ZNF283: variants seen among roughly 807,000 people sequenced by gnomAD.
The protein encoded by ZNF283 is zinc finger protein 41.
ZNF283 carries 10 observed loss-of-function variants against 9.2 expected under a neutral mutation model. The observed-to-expected ratio is 1.09, with a 90% confidence interval of 0.67 to 1.85. The LOEUF is 1.85. Among genes scored for constraint, ZNF283 ranks in the 40% most tolerant of loss-of-function variants. The pLI is 0.00. For synonymous variants in ZNF283, 234 were observed against 244.1 expected, an observed-to-expected ratio of 0.96 and a Z score of 0.38; for missense variants, 631 against 760.1, an observed-to-expected ratio of 0.83 and a Z score of 2.00.
At chr19:43,832,603 A>G (rs1970759468) in intron 3 of ZNF283, among the ~76,000 whole-genome samples, 1 of 152,228 alleles carries the variant, frequency 6.6e-6, no homozygotes, top group African/African-American at 2.4e-5. Context: ...ATTTGAGTTC[A>G]CGTTATAAGA....
intron 2 of ZNF283, among the ~76,000 whole-genome samples, chr19:43,829,759 C>T (rs941556300): frequency 3.3e-5 from 5 of 152,098 alleles, no homozygotes; most frequent in Non-Finnish European, 7.4e-5. Flanking sequence ...CACGGTGGCT[C>T]ACACCTGTAA....
chr19:43,843,334 C>T (rs957014679), intron 6 of ZNF283, among the ~76,000 whole-genome samples: 2 of 152,098 alleles, frequency 1.3e-5, no homozygotes, highest in African/African-American at 2.4e-5. Context: ...AGTGAGACTA[C>T]GTCCCCACCC....
At chr19:43,843,922 C>G (rs992447647) in intron 6 of ZNF283, among the ~76,000 whole-genome samples, 2 of 152,226 alleles carry the variant, frequency 1.3e-5, no homozygotes, top group Admixed American at 1.3e-4. Flanking sequence ...AACTATGTAC[C>G]ATGAGAGGCT....
chr19:43,848,413 T>G lies in ZNF283; in HGVS notation c.1812T>G (p.Cys604Trp). The part of the protein sequence containing the change: ...TNEKSYECKD[C>W]GKAFGSGYQL... ...AGAAGTCTTATGAATGTAAAGACTGTGGGAAGGCCTTTGGTAGTGGCTATC... is the reference window on the plus strand; with the variant it reads ...AGAAGTCTTATGAATGTAAAGACTGGGGGAAGGCCTTTGGTAGTGGCTATC... The change falls in exon 7 of 7, where the codon TGT (cysteine) becomes TGG (tryptophan). Residue 604 changes from cysteine (C) to tryptophan (W), a missense_variant. By Grantham distance (215) the Cys-to-Trp change is radical. Around this residue, in one of 3 missense-constraint regions of ZNF283, gnomAD observed 444 missense variants for 522.5 expected, o/e 0.85. Coordinates refer to ENST00000618787, the MANE Select transcript of ZNF283 (RefSeq NM_181845.2). 1 of 1,613,968 alleles carries G rather than the reference T, an allele frequency of 6.2e-7. No homozygotes were observed.
chr19:43,851,042 TCAC>T lies in ZNF283; in HGVS notation c.*2404_*2406del, dbSNP rs1971594388. On this transcript the variant is annotated 3_prime_UTR_variant, in exon 7 of 7. Coordinates refer to ENST00000618787, the MANE Select transcript of ZNF283 (RefSeq NM_181845.2). ...GTAATATCACTGTTCAGTCAGTCATTCACCATCTAGTGATCATCATTCTACATG... is the reference window on the plus strand; with the variant it reads ...GTAATATCACTGTTCAGTCAGTCATTCATCTAGTGATCATCATTCTACATG... 2 of 152,190 alleles carry T rather than the reference TCAC, an allele frequency of 1.3e-5. No individual in the cohort carries two copies. The highest frequency in any genetic ancestry group is 6.5e-5 in the Admixed American group (1 of 15,270). The allele number at this position is 152,190 out of a possible 1,614,324, so 9.4% of individuals were successfully genotyped here. A position where few individuals can be genotyped will look rare whatever the true frequency, so the allele number is the denominator to read the frequency against.
At chr19:43,839,822 T>C (rs931213845) in intron 6 of ZNF283, among the ~76,000 whole-genome samples, 4 of 152,212 alleles carry the variant, frequency 2.6e-5, no homozygotes, top group African/African-American at 9.6e-5. Context: ...TACATTCTTT[T>C]CCTGATTTCC....
intron 6 of ZNF283, among the ~76,000 whole-genome samples, chr19:43,842,743 G>C (rs897095806): frequency 1.3e-5 from 2 of 152,190 alleles, no homozygotes; most frequent in African/African-American, 4.8e-5. Context: ...ACTTCCACTG[G>C]TGGTGTAGAA....
Position 43,847,435 on chromosome 19 carries a change from T to C in ZNF283, c.834T>C (p.Leu278=). 6.2e-7 allele frequency: 1 copy of C among 1,614,020 alleles called. No individual in the cohort carries two copies. Among genetic ancestry groups the C allele is most frequent in the Non-Finnish European group, 8.5e-7 (1 of 1,179,948 alleles). The change falls in exon 7 of 7, where the codon CTT becomes CTC. Residue 278 remains leucine, a synonymous_variant. Coordinates refer to ENST00000618787, the MANE Select transcript of ZNF283 (RefSeq NM_181845.2). The stretch of plus-strand genomic sequence containing the variant: ...AGACCTTTAGCTGGGGATCAAGCCT[T>C]GTTAAACATGAGAGAATTCACACTG... The part of the protein sequence containing the change: ...CGKTFSWGSS[L]VKHERIHTGE...
In ZNF283 at chr19:43,850,664, T is replaced by C. The variant is rs1426737223; in HGVS notation, c.*2023T>C. 6.6e-6 allele frequency: 1 copy of C among 152,224 alleles called. No individual in the cohort carries two copies. The highest frequency in any genetic ancestry group is 1.5e-5 in the Non-Finnish European group (1 of 68,090). The allele number at this position is 152,224 out of a possible 1,614,324, so 9.4% of individuals were successfully genotyped here. A position where few individuals can be genotyped will look rare whatever the true frequency, so the allele number is the denominator to read the frequency against. ...ATGTTGGTCCAGGCTGATCTTGAAC[T>C]CCTGCACCTGCCTCAGCCTCCCAAA... On this transcript the variant is annotated 3_prime_UTR_variant, in exon 7 of 7. Transcript: ENST00000618787.
At chr19:43,837,289 C>T (rs1251049592) in intron 6 of ZNF283, 110 bp downstream of exon 6, 6 of 1,178,942 alleles carry the variant, frequency 5.1e-6, no homozygotes, top group Admixed American at 2.9e-5. Context: ...TTCTTCTCCC[C>T]CTTCCCAAGG....
intron 6 of ZNF283, 66 bp from the exon 7 acceptor site, chr19:43,846,873 T>C (rs1971416907): frequency 9.2e-7 from 1 of 1,085,450 alleles, no homozygotes; most frequent in East Asian, 3.0e-5. Flanking sequence ...TTATTTCTAC[T>C]GTAGTTTTTT....
At position 43,851,337 on chromosome 19, in the gene ZNF283, T is replaced by TA. The variant is rs1405989251; in HGVS notation, c.*2697dup. On this transcript the variant is annotated 3_prime_UTR_variant, in exon 7 of 7. Transcript: ENST00000618787. ...GGAGGATTTTACAGTTAAAGAAGCTTATAAAGTAGCATCTACTAAATCCCC... is the reference window on the plus strand; with the variant it reads ...GGAGGATTTTACAGTTAAAGAAGCTTAATAAAGTAGCATCTACTAAATCCCC... The TA allele has an allele frequency of 6.6e-6, 1 of 151,422 alleles. No homozygotes were observed. The highest frequency in any genetic ancestry group is 1.9e-4 in the East Asian group (1 of 5,170). The allele number at this position is 151,422 out of a possible 1,614,324, so 9.4% of individuals were successfully genotyped here.
chr19:43,836,640 C>T (rs1970992707), intron 5 of ZNF283, among the ~76,000 whole-genome samples: 1 of 152,166 alleles, frequency 6.6e-6, no homozygotes, highest in Admixed American at 6.5e-5. Context: ...TTGCACCTGG[C>T]CTTGTTTTTA....
At chr19:43,831,167 G>T (rs1970691880) in intron 2 of ZNF283, among the ~76,000 whole-genome samples, 151 bp from the exon 3 acceptor site, 1 of 152,164 alleles carries the variant, frequency 6.6e-6, no homozygotes, top group Admixed American at 6.5e-5. Context: ...ACATTAAAAT[G>T]TTACTTTAAT....
In ZNF283 at chr19:43,847,060, C is replaced by T. The variant is rs766190351; in HGVS notation, c.459C>T (p.Ile153=). 14 of 1,612,660 alleles carry T rather than the reference C, an allele frequency of 8.7e-6. No homozygotes were observed. The highest frequency in any genetic ancestry group is 1.7e-4 in the Middle Eastern group (1 of 6,060). Residue 153 remains isoleucine, a synonymous_variant, in exon 7 of 7, where the codon ATC becomes ATT. Coordinates refer to ENST00000618787, the MANE Select transcript of ZNF283 (RefSeq NM_181845.2). ...AAACCCTTGGCCTTGAGGCATCCAT[C>T]TTCAGAAATAATTGGAAGTGCAAAA... ...KSKTLGLEAS[I]FRNNWKCKSI...
Position 43,847,451 on chromosome 19 carries a change from A to G in ZNF283, c.850A>G (p.Ile284Val), listed in dbSNP as rs762934749. The G allele has an allele frequency of 1.2e-5, 20 of 1,613,838 alleles. No individual in the cohort carries two copies. The highest frequency in any genetic ancestry group is 1.7e-5 in the Non-Finnish European group (20 of 1,179,908). The change falls in exon 7 of 7, where the codon ATT (isoleucine) becomes GTT (valine). Residue 284 changes from isoleucine to valine, a missense_variant. Ile to Val is a conservative substitution (Grantham distance 29). Transcript: ENST00000618787. ...WGSSLVKHER[I>V]HTGEKPYECK... ...ATCAAGCCTTGTTAAACATGAGAGA[A>G]TTCACACTGGTGAGAAACCCTATGA...
intron 3 of ZNF283, among the ~76,000 whole-genome samples, chr19:43,831,656 T>C (rs994477390): frequency 2.6e-5 from 4 of 152,312 alleles, no homozygotes; most frequent in African/African-American, 9.6e-5. Flanking sequence ...TGAGATAGTT[T>C]CTCATTCTGT....
At position 43,848,548 on chromosome 19, in the gene ZNF283, T is replaced by G. The variant is rs1971520154; in HGVS notation, c.1947T>G (p.Ser649Arg). Residue 649 changes from serine to arginine, a missense_variant, in exon 7 of 7, where the codon AGT (serine) becomes AGG (arginine). Coordinates refer to ENST00000618787, the MANE Select transcript of ZNF283 (RefSeq NM_181845.2). ...GSKLVHERTHSNDKPYKYNEC... is the reference protein window; with the variant it reads ...GSKLVHERTHRNDKPYKYNEC... ...AACTTGTTCATGAGAGAACTCATAG[T>G]AATGATAAACCCTACAAATATAACG... 1 of 1,611,450 alleles carries G rather than the reference T, an allele frequency of 6.2e-7. No individual in the cohort carries two copies. The highest frequency in any genetic ancestry group is 8.5e-7 in the Non-Finnish European group (1 of 1,178,144).
At position 43,850,852 on chromosome 19, in the gene ZNF283, G is replaced by A. The variant is rs1971589315; in HGVS notation, c.*2211G>A. The A allele has an allele frequency of 6.6e-6, 1 of 152,180 alleles. No individual in the cohort carries two copies. Among genetic ancestry groups the A allele is most frequent in the African/African-American group, 2.4e-5 (1 of 41,444 alleles). The allele number at this position is 152,180 out of a possible 1,614,324, so 9.4% of individuals were successfully genotyped here. A position where few individuals can be genotyped will look rare whatever the true frequency, so the allele number is the denominator to read the frequency against. ...CAGGTTAGTTATGAAGAAATAGAGT[G>A]TGTGTTTATATACTCACACAGTTAG... On this transcript the variant is annotated 3_prime_UTR_variant, in exon 7 of 7. Coordinates refer to ENST00000618787, the MANE Select transcript of ZNF283 (RefSeq NM_181845.2).
Sources: allele counts gnomAD v4.1 joint callset (sites outside exome capture counted in the v4.1 genomes callset), GRCh38; gene constraint gnomAD v4.1.1; regional missense constraint gnomAD v4.1.1; transcripts MANE v1.5; gene names NCBI Gene and HGNC (gene_info 2026-07-23, HGNC 2026-07-21).